ANO3: variants seen among roughly 807,000 people sequenced by gnomAD.
ANO3 encodes anoctamin 3.
A neutral mutation model predicts 144.8 loss-of-function variants in ANO3; 99 were observed. That is an observed-to-expected ratio of 0.68 (90% CI 0.58 to 0.81). The LOEUF is 0.81. ANO3 is among the 30% of genes least tolerant of loss of function. The pLI is 0.00. For synonymous variants in ANO3, 414 were observed against 392.6 expected (o/e 1.05, Z -0.64); for missense variants, 905 against 1,202.2 (o/e 0.75, Z 3.66).
chr11:26,274,738 A>T (rs1157074459), intron 1 of ANO3, among the ~76,000 whole-genome samples: 1 of 152,144 alleles, frequency 6.6e-6, no homozygotes, highest in East Asian at 1.9e-4. Flanking sequence ...ATCCTTTTGC[A>T]CTTTGGAACT....
At chr11:26,323,143 T>C (rs1854800560) in intron 1 of ANO3, among the ~76,000 whole-genome samples, 1 of 152,050 alleles carries the variant, frequency 6.6e-6, no homozygotes. Context: ...GACTTCAAGA[T>C]GCTCAAGGCT....
intron 14 of ANO3, among the ~76,000 whole-genome samples, chr11:26,569,628 A>G (rs1850740976): frequency 6.6e-6 from 1 of 152,114 alleles, no homozygotes; most frequent in South Asian, 2.1e-4. Context: ...TGCAAGTGAC[A>G]GAAGCCTAAT....
intron 7 of ANO3, among the ~76,000 whole-genome samples, chr11:26,530,342 C>G (rs939751457): frequency 1.3e-5 from 2 of 152,068 alleles, no homozygotes; most frequent in Non-Finnish European, 2.9e-5. Context: ...CTTATGACTT[C>G]CAGTGCCACT....
chr11:26,567,188 T>A, intron 14 of ANO3: 1 of 1,204,934 alleles, frequency 8.3e-7, no homozygotes. Context: ...CTGACTCCAA[T>A]CTCATTAGAG....
chr11:26,440,392 CAG>C (rs552422105), intron 1 of ANO3, among the ~76,000 whole-genome samples: 56 of 151,992 alleles, frequency 3.7e-4, no homozygotes, highest in South Asian at 3.3e-3. Context: ...ATATGAATGA[CAG>C]GGGGTGTTTA....
At chr11:26,478,564 G>A (rs1311504986) in intron 4 of ANO3, among the ~76,000 whole-genome samples, 1 of 152,098 alleles carries the variant, frequency 6.6e-6, no homozygotes, top group Non-Finnish European at 1.5e-5. Context: ...ACTCTGAGAT[G>A]TTCTCCTAGA....
Position 26,309,800 on chromosome 11 carries a change from AC to A in ANO3, c.-3+82del, listed in dbSNP as rs869069951. ...ATGTGGTAGCAACTCCAGAGTCTTT[AC>A]AGGGGGGGTGAAAATTTAACGCAAA... On this transcript the variant is annotated intron_variant, in intron 1 of 26. Transcript: ENST00000525139. 1,564 of 679,246 alleles carry A rather than the reference AC, an allele frequency of 2.3e-3. 21 individuals are homozygous for A. The African/African-American group carries it at 0.036, about 16-fold the overall frequency. 42.1% of individuals were successfully genotyped at this position (679,246 alleles called of 1,614,324 possible). A position where few individuals can be genotyped will look rare whatever the true frequency, so the allele number is the denominator to read the frequency against.
At chr11:26,417,567 C>T (rs921391693) in intron 1 of ANO3, among the ~76,000 whole-genome samples, 1 of 151,970 alleles carries the variant, frequency 6.6e-6, no homozygotes, top group Non-Finnish European at 1.5e-5. Flanking sequence ...ATGGCTGCTC[C>T]ATAGACAGAA....
intron 11 of ANO3, 148 bp from the exon 12 acceptor site, chr11:26,547,267 CA>C: frequency 1.4e-6 from 1 of 701,460 alleles, no homozygotes. Context: ...AATTAACAAG[CA>C]GGAGTATTAG....
At chr11:26,567,054 C>G in intron 14 of ANO3, 1 of 1,507,582 alleles carries the variant, frequency 6.6e-7, no homozygotes, top group Admixed American at 2.1e-5. Flanking sequence ...ATACTTACAA[C>G]AATCCCTTGA....
chr11:26,282,617 T>C (rs935482117), intron 1 of ANO3, among the ~76,000 whole-genome samples: 5 of 152,132 alleles, frequency 3.3e-5, no homozygotes, highest in Non-Finnish European at 7.4e-5. Context: ...GGCCATTTTG[T>C]GTCATTTTTA....
chr11:26,245,693 T>C (rs1852775335), intron 1 of ANO3, among the ~76,000 whole-genome samples: 1 of 152,188 alleles, frequency 6.6e-6, no homozygotes, highest in Non-Finnish European at 1.5e-5. Flanking sequence ...ATAGGATAAA[T>C]GGCATGCAAA....
chr11:26,395,107 T>C (rs1372091541), intron 1 of ANO3, among the ~76,000 whole-genome samples: 1 of 152,134 alleles, frequency 6.6e-6, no homozygotes, highest in Non-Finnish European at 1.5e-5. Context: ...CAACAATTTC[T>C]AAACAGAGGA....
intron 11 of ANO3, among the ~76,000 whole-genome samples, chr11:26,545,023 A>T (rs1313883338): frequency 6.6e-6 from 1 of 152,038 alleles, no homozygotes; most frequent in East Asian, 1.9e-4. Context: ...CAAAATTTAG[A>T]TGGTAATGAG....
chr11:26,270,932 G>C (rs964945292), intron 1 of ANO3, among the ~76,000 whole-genome samples: 1 of 152,202 alleles, frequency 6.6e-6, no homozygotes, highest in Non-Finnish European at 1.5e-5. Context: ...CTCTGGGAAA[G>C]ACATGTTCAG....
chr11:26,393,866 A>T (rs1040544035), intron 1 of ANO3, among the ~76,000 whole-genome samples: 14 of 152,164 alleles, frequency 9.2e-5, no homozygotes, highest in African/African-American at 3.4e-4. Flanking sequence ...CTTTCATTGA[A>T]ATATAAGGGA....
chr11:26,221,569 C>A (rs1164146891), intron 1 of ANO3, among the ~76,000 whole-genome samples: 1 of 152,130 alleles, frequency 6.6e-6, no homozygotes, highest in Non-Finnish European at 1.5e-5. Flanking sequence ...TTTTTCATTG[C>A]TATAAAGAAA....
chr11:26,395,033 G>T (rs1331865864), intron 1 of ANO3, among the ~76,000 whole-genome samples: 2 of 152,120 alleles, frequency 1.3e-5, no homozygotes, highest in African/African-American at 4.8e-5. Flanking sequence ...CCTGACCCCT[G>T]TGGAATTTTG....
At chr11:26,656,250 G>T (rs1388496363) in intron 25 of ANO3, 45 bp downstream of exon 25, 1 of 1,550,932 alleles carries the variant, frequency 6.4e-7, no homozygotes, top group African/African-American at 1.4e-5. Context: ...ACCATTCCAA[G>T]TACTCCCCCC....
Sources: gnomAD v4.1 joint callset for allele counts (sites outside exome capture counted in the v4.1 genomes callset) on GRCh38, gnomAD v4.1.1 for gene constraint, MANE v1.5 for transcripts, NCBI Gene and HGNC (gene_info 2026-07-23, HGNC 2026-07-21) for gene names.